GALNTL6: variants seen among roughly 807,000 people sequenced by gnomAD.
GALNTL6 encodes the protein polypeptide N-acetylgalactosaminyltransferase-like 6.
In GALNTL6, 46 loss-of-function variants were observed where a neutral mutation model predicts 73.7. That is an observed-to-expected ratio of 0.62 (90% confidence interval 0.49 to 0.80). GALNTL6 has a LOEUF of 0.80. Among genes scored for constraint, GALNTL6 ranks in the 30% least tolerant of loss-of-function variants. The probability of loss-of-function intolerance (pLI) is 0.00; values close to 1 mark genes in which losing one functional copy is unlikely to be tolerated. For synonymous variants in GALNTL6, 259 were observed against 263.7 expected, an observed-to-expected ratio of 0.98 and a Z score of 0.17; for missense variants, 604 against 755.0, an observed-to-expected ratio of 0.80 and a Z score of 2.34.
rs1206959471 is a variant in GALNTL6 at position 172,809,914 on chromosome 4, C to T, written c.739+368C>T. Among the ~76,000 whole-genome samples, 1 of 66,066 alleles carries T rather than the reference C, an allele frequency of 1.5e-5. No individual in the cohort carries two copies. Among genetic ancestry groups the T allele is most frequent in the Admixed American group, 1.6e-4 (1 of 6,392 alleles). 43.3% of individuals were successfully genotyped at this position (66,066 alleles called of 152,430 possible). A position where few individuals can be genotyped will look rare whatever the true frequency, so the allele number is the denominator to read the frequency against. On this transcript the variant is annotated intron_variant, in intron 6 of 12. Transcript: ENST00000506823. The surrounding 1 kb of genome is among the most constrained non-coding windows in gnomAD (Gnocchi z 4.4). ...CTGTAGCTACAGCAAGATTAAAATACACACACACACACACACACACACACA... is the reference window on the plus strand; with the variant it reads ...CTGTAGCTACAGCAAGATTAAAATATACACACACACACACACACACACACA...
At chr4:172,127,311 A>G (rs78587437) in intron 2 of GALNTL6, among the ~76,000 whole-genome samples, 5,376 of 152,198 alleles carry the variant, frequency 0.035, 153 homozygotes, top group East Asian at 0.044. Context: ...AGCTCAGTCC[A>G]CCATTGTTGA....
intron 8 of GALNTL6, among the ~76,000 whole-genome samples, chr4:172,892,327 T>A (rs1173481373): frequency 6.6e-6 from 1 of 152,166 alleles, no homozygotes; most frequent in South Asian, 2.1e-4. Context: ...ATATTCCTTT[T>A]CCCTTGAGGG....
intron 2 of GALNTL6, among the ~76,000 whole-genome samples, chr4:171,981,411 G>C (rs914346605): frequency 6.6e-6 from 1 of 152,202 alleles, no homozygotes; most frequent in Non-Finnish European, 1.5e-5. Flanking sequence ...GTGAAGATAA[G>C]CTGTCAGTTT....
At chr4:172,183,749 T>C (rs1015278686) in intron 2 of GALNTL6, among the ~76,000 whole-genome samples, 3 of 152,016 alleles carry the variant, frequency 2.0e-5, no homozygotes, top group African/African-American at 7.2e-5. Context: ...TTTTTGTATA[T>C]CTTCTGAGCA....
At chr4:172,166,201 G>A (rs1579203471) in intron 2 of GALNTL6, among the ~76,000 whole-genome samples, 1 of 152,304 alleles carries the variant, frequency 6.6e-6, no homozygotes, top group African/African-American at 2.4e-5. Context: ...GCTCACGCCT[G>A]TAATCCCAGC....
intron 5 of GALNTL6, among the ~76,000 whole-genome samples, chr4:172,566,946 CAA>C (rs1487547584): frequency 6.7e-6 from 1 of 150,118 alleles, no homozygotes; most frequent in Non-Finnish European, 1.5e-5. Context: ...TTCTGACTAA[CAA>C]GAAAAAGATT....
chr4:172,783,632 G>GA (rs1273823100), intron 5 of GALNTL6, among the ~76,000 whole-genome samples: 6 of 151,782 alleles, frequency 4.0e-5, no homozygotes, highest in African/African-American at 1.5e-4. Flanking sequence ...CTGGAAGCCA[G>GA]AAGTTAATGA....
chr4:172,346,825 G>A (rs187035433), intron 4 of GALNTL6, among the ~76,000 whole-genome samples: 3 of 152,130 alleles, frequency 2.0e-5, no homozygotes, highest in East Asian at 3.9e-4. Context: ...AGTAATTTGA[G>A]CTCAGGCACA....
At chr4:171,836,139 C>T (rs1735088491) in intron 2 of GALNTL6, among the ~76,000 whole-genome samples, 1 of 152,120 alleles carries the variant, frequency 6.6e-6, no homozygotes, top group Non-Finnish European at 1.5e-5. Flanking sequence ...GTAGTGTGGA[C>T]ACTGAAACAG....
chr4:172,098,569 G>A (rs943149419), intron 2 of GALNTL6, among the ~76,000 whole-genome samples: 1 of 152,136 alleles, frequency 6.6e-6, no homozygotes, highest in Non-Finnish European at 1.5e-5. Context: ...AGCCAAATGG[G>A]AAACCACTAT....
intron 2 of GALNTL6, among the ~76,000 whole-genome samples, chr4:172,016,466 A>G (rs1463800369): frequency 6.6e-6 from 1 of 151,812 alleles, no homozygotes; most frequent in Non-Finnish European, 1.5e-5. Context: ...TTTTTCATCC[A>G]TATTGTGTAT....
chr4:172,984,944 T>C (rs773882634), intron 10 of GALNTL6, among the ~76,000 whole-genome samples: 6 of 152,184 alleles, frequency 3.9e-5, no homozygotes, highest in Non-Finnish European at 8.8e-5. Flanking sequence ...TTATGCTGTG[T>C]TAACCCTAAC....
At chr4:172,532,816 A>G (rs958244070) in intron 5 of GALNTL6, among the ~76,000 whole-genome samples, 1 of 152,172 alleles carries the variant, frequency 6.6e-6, no homozygotes, top group African/African-American at 2.4e-5. Flanking sequence ...CACAAGTGGC[A>G]GAGTGGTTAA....
At chr4:172,657,530 A>G (rs1370664369) in intron 5 of GALNTL6, among the ~76,000 whole-genome samples, 1 of 152,230 alleles carries the variant, frequency 6.6e-6, no homozygotes, top group Non-Finnish European at 1.5e-5. Flanking sequence ...TCTGAAAACT[A>G]AATTTTTTGT....
intron 2 of GALNTL6, among the ~76,000 whole-genome samples, chr4:171,900,826 G>C (rs7695116): frequency 0.24 from 36,898 of 151,978 alleles, 4,700 homozygotes; most frequent in Middle Eastern, 0.35. Flanking sequence ...CTTAAGGTTA[G>C]ACTATTCCAC....
chr4:172,814,056 T>C (rs777494738), intron 7 of GALNTL6, among the ~76,000 whole-genome samples: 6 of 152,234 alleles, frequency 3.9e-5, no homozygotes, highest in Admixed American at 1.3e-4. Flanking sequence ...TTCTTTTGAC[T>C]TTTCCCTAAA....
At chr4:172,735,211 G>T (rs1233270313) in intron 5 of GALNTL6, among the ~76,000 whole-genome samples, 1 of 152,176 alleles carries the variant, frequency 6.6e-6, no homozygotes, top group Non-Finnish European at 1.5e-5. Flanking sequence ...GCAACCAGGA[G>T]GTGCTCTGTA....
chr4:172,032,368 T>C (rs1041733922), intron 2 of GALNTL6, among the ~76,000 whole-genome samples: 2 of 149,054 alleles, frequency 1.3e-5, no homozygotes, highest in Non-Finnish European at 2.9e-5. Context: ...AATCATTAAA[T>C]GTTGTGTCAG....
intron 2 of GALNTL6, among the ~76,000 whole-genome samples, chr4:172,209,090 A>G (rs2110921407): frequency 6.6e-6 from 1 of 152,212 alleles, no homozygotes; most frequent in Admixed American, 6.5e-5. Context: ...AATTACAAGG[A>G]CGTCTAATTG....
Sources: gnomAD v4.1 joint callset for allele counts (sites outside exome capture counted in the v4.1 genomes callset) on GRCh38, gnomAD v4.1.1 for gene constraint, Gnocchi (gnomAD v3.1) non-coding constraint, MANE v1.5 for transcripts, NCBI Gene and HGNC (gene_info 2026-07-23, HGNC 2026-07-21) for gene names.